TBCK: variants seen among roughly 807,000 people sequenced by gnomAD.
TBCK encodes the protein TBC1 domain containing kinase.
Under a neutral mutation model 113.4 loss-of-function variants are expected in TBCK, and 99 were observed. The observed-to-expected ratio is 0.87, with a 90% confidence interval of 0.74 to 1.03. The LOEUF (loss-of-function observed/expected upper bound fraction) is 1.03. Among genes scored for constraint, TBCK ranks in the 50% least tolerant of loss-of-function variants. The probability of loss-of-function intolerance (pLI) is 0.00; values close to 1 mark genes in which losing one functional copy is unlikely to be tolerated. For missense variants in TBCK, 1,045 were observed against 1,061.3 expected, an observed-to-expected ratio of 0.98 and a Z score of 0.21; for synonymous variants, 369 against 370.8, an observed-to-expected ratio of 1.00 and a Z score of 0.05.
At chr4:106,105,946 G>A (rs1395972814) in intron 24 of TBCK, among the ~76,000 whole-genome samples, 3 of 152,058 alleles carry the variant, frequency 2.0e-5, no homozygotes, top group Non-Finnish European at 4.4e-5. Flanking sequence ...TCAGAATATG[G>A]ACAGGAACAA....
chr4:106,293,015 G>A (rs752792231), intron 3 of TBCK, among the ~76,000 whole-genome samples: 85 of 152,166 alleles, frequency 5.6e-4, no homozygotes, highest in Non-Finnish European at 1.1e-3. Flanking sequence ...CCCAACTGGT[G>A]CAGATCACCT....
chr4:106,219,442 C>A (rs1301247263), intron 19 of TBCK, among the ~76,000 whole-genome samples: 3 of 149,744 alleles, frequency 2.0e-5, no homozygotes, highest in Non-Finnish European at 3.0e-5. Flanking sequence ...ATAAGAATAC[C>A]ATGTTTAATC....
At chr4:106,227,548 C>A (rs546539471) in intron 19 of TBCK, among the ~76,000 whole-genome samples, 2 of 151,920 alleles carry the variant, frequency 1.3e-5, no homozygotes, top group Non-Finnish European at 2.9e-5. Context: ...ATCCCACTTA[C>A]TCAGAATTTT....
At chr4:106,262,310 A>G (rs1762580375) in intron 3 of TBCK, 98 bp from the exon 4 acceptor site, 1 of 593,904 alleles carries the variant, frequency 1.7e-6, no homozygotes, top group Non-Finnish European at 2.9e-6. Context: ...TCAAAAAGTT[A>G]TATTTTTATT....
rs1343426626 is a variant in TBCK, at chr4:106,045,905, T to TAAAG, written c.*661_*664dup. Reference sequence around the variant, plus strand: ...ACTGACTGTACAGACTTTCATGTGATAAAGAAACTAGAAAATTTGTTTAAG... The same window carrying TAAAG: ...ACTGACTGTACAGACTTTCATGTGATAAAGAAAGAAACTAGAAAATTTGTTTAAG... On this transcript the variant is annotated 3_prime_UTR_variant, in exon 26 of 26. Coordinates refer to ENST00000394708, the MANE Select transcript of TBCK (RefSeq NM_001163435.3). 6.6e-6 allele frequency: 1 copy of TAAAG among 152,242 alleles called. No individual in the cohort carries two copies. Among genetic ancestry groups the TAAAG allele is most frequent in the African/African-American group, 2.4e-5 (1 of 41,456 alleles). The allele number at this position is 152,242 out of a possible 1,614,324, so 9.4% of individuals were successfully genotyped here. A position where few individuals can be genotyped will look rare whatever the true frequency, so the allele number is the denominator to read the frequency against.
intron 3 of TBCK, among the ~76,000 whole-genome samples, chr4:106,284,276 T>C (rs1458692022): frequency 6.6e-6 from 1 of 152,122 alleles, no homozygotes; most frequent in African/African-American, 2.4e-5. Context: ...ATATCTAACA[T>C]CTATTTCTGA....
chr4:106,178,505 T>C (rs1751955557), intron 22 of TBCK, among the ~76,000 whole-genome samples: 1 of 151,958 alleles, frequency 6.6e-6, no homozygotes, highest in Non-Finnish European at 1.5e-5. Context: ...ACCCAGTTCT[T>C]TGAGAATTTT....
intron 20 of TBCK, among the ~76,000 whole-genome samples, chr4:106,204,517 T>G (rs1342517097): frequency 6.6e-6 from 1 of 152,192 alleles, no homozygotes; most frequent in East Asian, 1.9e-4. Context: ...GTTAGCACAA[T>G]TTAAGGCACA....
intron 22 of TBCK, among the ~76,000 whole-genome samples, chr4:106,177,684 G>A (rs1411834248): frequency 1.3e-5 from 2 of 151,702 alleles, no homozygotes; most frequent in African/African-American, 4.8e-5. Context: ...CATTTCATTG[G>A]TCTATGTGCA....
At chr4:106,202,813 C>T (rs991296324) in intron 20 of TBCK, among the ~76,000 whole-genome samples, 13 of 151,880 alleles carry the variant, frequency 8.6e-5, no homozygotes, top group African/African-American at 3.1e-4. Flanking sequence ...ATGTGAAGGG[C>T]CTCACCACAC....
At chr4:106,109,565 C>T (rs1284807850) in intron 24 of TBCK, among the ~76,000 whole-genome samples, 3 of 152,286 alleles carry the variant, frequency 2.0e-5, no homozygotes, top group African/African-American at 4.8e-5. Flanking sequence ...GAATAACTGG[C>T]TAGTCATATG....
At chr4:106,248,208 G>C in intron 9 of TBCK, 37 bp downstream of exon 9, 1 of 1,424,730 alleles carries the variant, frequency 7.0e-7, no homozygotes, top group Non-Finnish European at 9.6e-7. Flanking sequence ...ATGCGTAAAG[G>C]ATCTCAATGT....
chr4:106,105,855 T>A (rs2149540244), intron 24 of TBCK, among the ~76,000 whole-genome samples: 1 of 152,342 alleles, frequency 6.6e-6, no homozygotes, highest in East Asian at 1.9e-4. Flanking sequence ...CAGAGTATCA[T>A]GTGTCCTCCA....
At chr4:106,237,091 T>A (rs942253581) in intron 12 of TBCK, among the ~76,000 whole-genome samples, 1 of 151,992 alleles carries the variant, frequency 6.6e-6, no homozygotes, top group African/African-American at 2.4e-5. Context: ...GAACTCAGAA[T>A]TACTAGCACT....
At chr4:106,204,491 A>G (rs1186626429) in intron 20 of TBCK, among the ~76,000 whole-genome samples, 1 of 152,236 alleles carries the variant, frequency 6.6e-6, no homozygotes, top group Non-Finnish European at 1.5e-5. Context: ...CCACTGGTGG[A>G]TAAAACTGCT....
In TBCK at chr4:106,132,859, G is replaced by A. The variant is rs186788207; in HGVS notation, c.2236-16481C>T. Among the ~76,000 whole-genome samples, 127 of 152,310 alleles carry A rather than the reference G, an allele frequency of 8.3e-4. 1 individual carries two copies. Among genetic ancestry groups the A allele is most frequent in the African/African-American group, 3.0e-3 (124 of 41,568 alleles). On this transcript the variant is annotated intron_variant, in intron 23 of 25. Coordinates refer to ENST00000394708, the MANE Select transcript of TBCK (RefSeq NM_001163435.3). ...TGGAGTCTGAACTTGCATGAGACCT[G>A]TGGCCCTCTTGTTTTGGCCAATTTC...
intron 5 of TBCK, chr4:106,255,031 A>G (rs757325146): frequency 8.7e-6 from 3 of 345,124 alleles, no homozygotes; most frequent in Middle Eastern, 7.8e-4. Flanking sequence ...CTTGCCAAGT[A>G]TCTTCTCTTT....
Position 106,261,408 on chromosome 4 carries a change from A to C in TBCK, c.381+690T>G, listed in dbSNP as rs539201583. Among the ~76,000 whole-genome samples the C allele has an allele frequency of 2.6e-5, 4 of 152,106 alleles. No homozygotes were observed. In the East Asian group the frequency reaches 7.7e-4, roughly 29 times the overall value. ...AGCAATGTTCTCATCTCAGCCTCCC[A>C]AGTATTGATTTGGGAAAAGAACCAG... On this transcript the variant is annotated intron_variant, in intron 4 of 25. Coordinates refer to ENST00000394708, the MANE Select transcript of TBCK (RefSeq NM_001163435.3).
At position 106,042,144 on chromosome 4, in the gene TBCK, T is replaced by C. The variant is rs950738267; in HGVS notation, c.*4426A>G. On this transcript the variant is annotated 3_prime_UTR_variant, in exon 26 of 26. Transcript: ENST00000394708. ...CATCCAAACTAAAATTGATCATAAATATTACCATTTTGCTTCCAATCTGAT... is the reference window on the plus strand; with the variant it reads ...CATCCAAACTAAAATTGATCATAAACATTACCATTTTGCTTCCAATCTGAT... The C allele has an allele frequency of 2.0e-5, 3 of 152,216 alleles. No individual in the cohort carries two copies. The highest frequency in any genetic ancestry group is 7.2e-5 in the African/African-American group (3 of 41,454). 9.4% of individuals were successfully genotyped at this position (152,216 alleles called of 1,614,324 possible).
Sources: allele counts gnomAD v4.1 joint callset (sites outside exome capture counted in the v4.1 genomes callset), GRCh38; gene constraint gnomAD v4.1.1; transcripts MANE v1.5; gene names NCBI Gene and HGNC (gene_info 2026-07-23, HGNC 2026-07-21).